Variants in PARM1 observed in about 807,000 individuals in gnomAD.
PARM1 encodes the protein prostate androgen-regulated mucin-like protein 1.
In PARM1, 14 loss-of-function variants were observed where a neutral mutation model predicts 24.6. The ratio of observed to expected loss-of-function variants is 0.57; its 90% CI spans 0.38 to 0.89. PARM1 has a LOEUF of 0.89. PARM1 is among the 40% of genes least tolerant of loss of function. PARM1 has a pLI of 0.00. For missense variants in PARM1, 362 were observed against 380.4 expected (o/e 0.95, Z 0.40); for synonymous variants, 179 against 156.6 (o/e 1.14, Z -1.07).
intron 1 of PARM1, among the ~76,000 whole-genome samples, chr4:74,987,312 C>A (rs1313612579): frequency 3.9e-5 from 6 of 152,052 alleles, no homozygotes; most frequent in Admixed American, 3.9e-4. Context: ...TCAGGTGTGA[C>A]CACAGAGACC....
intron 1 of PARM1, among the ~76,000 whole-genome samples, chr4:75,012,020 C>G (rs1319594248): frequency 6.6e-6 from 1 of 152,178 alleles, no homozygotes; most frequent in Non-Finnish European, 1.5e-5. Context: ...TCCCCACTCC[C>G]AATGTCCACA....
intron 1 of PARM1, among the ~76,000 whole-genome samples, chr4:74,977,056 C>A (rs1314148424): frequency 2.6e-5 from 4 of 152,134 alleles, no homozygotes; most frequent in Admixed American, 1.3e-4. Flanking sequence ...TCTTCTCCTC[C>A]AAATTATTGC....
At chr4:74,997,575 G>A (rs1722598841) in intron 1 of PARM1, 1 of 152,202 alleles carries the variant, frequency 6.6e-6, no homozygotes, top group Admixed American at 6.5e-5. Flanking sequence ...AGAAATAAGG[G>A]AGCTGGTGTA....
chr4:74,970,777 G>A (rs1160425017), intron 1 of PARM1, among the ~76,000 whole-genome samples: 1 of 152,138 alleles, frequency 6.6e-6, no homozygotes, highest in Non-Finnish European at 1.5e-5. Context: ...ACCTAATCAG[G>A]AGGCAAATGT....
At chr4:75,002,079 C>CTT (rs1722690620) in intron 1 of PARM1, among the ~76,000 whole-genome samples, 2 of 152,190 alleles carry the variant, frequency 1.3e-5, no homozygotes, top group Admixed American at 1.3e-4. Context: ...GAGCTGACCA[C>CTT]TTAAAGGGCT....
chr4:74,965,685 C>G (rs926726106), intron 1 of PARM1, among the ~76,000 whole-genome samples: 1 of 152,246 alleles, frequency 6.6e-6, no homozygotes, highest in South Asian at 2.1e-4. Context: ...AAGAATACTT[C>G]GCTTCTATGG....
chr4:75,041,175 A>T (rs1166266946), intron 3 of PARM1, among the ~76,000 whole-genome samples: 1 of 152,210 alleles, frequency 6.6e-6, no homozygotes. Flanking sequence ...GGCCTGATAG[A>T]TGGTAAGTTT....
intron 2 of PARM1, among the ~76,000 whole-genome samples, chr4:75,026,436 A>G (rs932632202): frequency 6.6e-6 from 1 of 152,250 alleles, no homozygotes; most frequent in Non-Finnish European, 1.5e-5. Context: ...ACATACTAAA[A>G]CAAATTTACT....
chr4:75,008,527 G>C (rs796858986), intron 1 of PARM1, among the ~76,000 whole-genome samples: 2 of 152,200 alleles, frequency 1.3e-5, no homozygotes, highest in South Asian at 4.1e-4. Flanking sequence ...GTGGTATCTT[G>C]TGCATTCTTA....
At chr4:74,990,010 G>A (rs573636432) in intron 1 of PARM1, among the ~76,000 whole-genome samples, 1 of 152,150 alleles carries the variant, frequency 6.6e-6, no homozygotes, top group South Asian at 2.1e-4. Context: ...ACACTGGAAG[G>A]TTAGAAACTG....
chr4:74,940,427 C>A (rs1721281243), intron 1 of PARM1, among the ~76,000 whole-genome samples: 1 of 152,186 alleles, frequency 6.6e-6, no homozygotes, highest in Non-Finnish European at 1.5e-5. Flanking sequence ...ATCAGGGCAT[C>A]TGCAGGTTCT....
intron 1 of PARM1, among the ~76,000 whole-genome samples, chr4:75,003,284 G>T (rs1722714577): frequency 6.7e-6 from 1 of 149,408 alleles, no homozygotes; most frequent in South Asian, 2.1e-4. Context: ...GAAGCAGTAA[G>T]TTTAAGGGAC....
At chr4:74,984,780 A>G (rs1195628097) in intron 1 of PARM1, among the ~76,000 whole-genome samples, 1 of 152,204 alleles carries the variant, frequency 6.6e-6, no homozygotes, top group Non-Finnish European at 1.5e-5. Context: ...CCTTCAGCCT[A>G]TTTTTGTTCA....
chr4:75,038,155 T>C (rs1723409229), intron 3 of PARM1, among the ~76,000 whole-genome samples: 2 of 152,136 alleles, frequency 1.3e-5, no homozygotes. Context: ...GACCTGGTGA[T>C]CCGCCCACCT....
intron 2 of PARM1, among the ~76,000 whole-genome samples, chr4:75,023,393 C>T (rs2109802451): frequency 6.6e-6 from 1 of 152,286 alleles, no homozygotes; most frequent in East Asian, 1.9e-4. Context: ...ATATAAAGTG[C>T]CTCTTACATA....
intron 1 of PARM1, among the ~76,000 whole-genome samples, chr4:74,974,981 G>T (rs1429489974): frequency 2.6e-5 from 4 of 152,040 alleles, no homozygotes; most frequent in Admixed American, 6.5e-5. Context: ...CAGAAATGTG[G>T]GCAAAAAATT....
chr4:74,941,261 A>G (rs1165573415), intron 1 of PARM1, among the ~76,000 whole-genome samples: 8 of 152,340 alleles, frequency 5.3e-5, no homozygotes, highest in African/African-American at 1.4e-4. Flanking sequence ...GATAGGTCAG[A>G]GCACAAGAAA....
chr4:75,034,588 G>A (rs935239081), intron 3 of PARM1, among the ~76,000 whole-genome samples: 1 of 152,144 alleles, frequency 6.6e-6, no homozygotes, highest in African/African-American at 2.4e-5. Flanking sequence ...GCAATACTCT[G>A]TGAGTCCTCC....
chr4:75,045,020 T>A (rs760914071), intron 3 of PARM1, among the ~76,000 whole-genome samples: 1 of 152,164 alleles, frequency 6.6e-6, no homozygotes, highest in Non-Finnish European at 1.5e-5. Context: ...GGAGTTGCAA[T>A]TCAAGATGAG....
Sources: gnomAD v4.1 joint callset for allele counts (sites outside exome capture counted in the v4.1 genomes callset) on GRCh38, gnomAD v4.1.1 for gene constraint, MANE v1.5 for transcripts, NCBI Gene and HGNC (gene_info 2026-07-23, HGNC 2026-07-21) for gene names.